Variants in MRPS18C observed in about 807,000 individuals in gnomAD.
MRPS18C encodes small ribosomal subunit protein bS18m.
Under a neutral mutation model 21.0 loss-of-function variants are expected in MRPS18C, and 21 were observed. The observed-to-expected ratio is 1.00, with a 90% CI of 0.71 to 1.44. The LOEUF (loss-of-function observed/expected upper bound fraction) is 1.44. MRPS18C is among the 40% of genes most tolerant of loss of function. The pLI, the probability that MRPS18C is intolerant of heterozygous loss-of-function variation, is 0.00. For missense variants in MRPS18C, 152 were observed against 171.5 expected (o/e 0.89, Z 0.64); for synonymous variants, 65 against 54.3 (o/e 1.20, Z -0.87).
intron 4 of MRPS18C, 170 bp downstream of exon 4, chr4:83,459,967 T>C: frequency 1.9e-6 from 1 of 535,606 alleles, no homozygotes; most frequent in African/African-American, 1.9e-5. Context: ...GCCAAGAGGA[T>C]TATTATTTTG....
rs1444479898 is a variant in MRPS18C at position 83,456,889 on chromosome 4, C to T, written c.101-20C>T. ...GCTAAGAAAAAGAAATGGTTAATTGCTGTTTCTGTTTAATCGCAGTGCTTT... is the reference window on the plus strand; with the variant it reads ...GCTAAGAAAAAGAAATGGTTAATTGTTGTTTCTGTTTAATCGCAGTGCTTT... On this transcript the variant is annotated intron_variant, in intron 1 of 5. Coordinates refer to ENST00000295491, the MANE Select transcript of MRPS18C (RefSeq NM_016067.4). 6.2e-7 allele frequency: 1 copy of T among 1,608,554 alleles called. No individual in the cohort carries two copies. The highest frequency in any genetic ancestry group is 8.5e-7 in the Non-Finnish European group (1 of 1,178,602).
intron 1 of MRPS18C, among the ~76,000 whole-genome samples, chr4:83,456,507 T>G: frequency 6.6e-6 from 1 of 152,132 alleles, no homozygotes; most frequent in East Asian, 1.9e-4. Context: ...AGAACAAAAT[T>G]GCATAATTTT....
At chr4:83,459,424 GGATA>G (rs2110029091) in intron 3 of MRPS18C, 1 of 238,258 alleles carries the variant, frequency 4.2e-6, no homozygotes, top group African/African-American at 2.3e-5. Context: ...TAGCTTGTCA[GGATA>G]GATGAAATTT....
intron 2 of MRPS18C, 130 bp from the exon 3 acceptor site, chr4:83,458,216 C>T: frequency 1.5e-6 from 1 of 645,948 alleles, no homozygotes; most frequent in East Asian, 3.1e-5. Flanking sequence ...AAATAAAGTG[C>T]TTATACAAAA....
intron 1 of MRPS18C, 81 bp from the exon 2 acceptor site, chr4:83,456,828 C>G: frequency 2.2e-6 from 3 of 1,383,100 alleles, no homozygotes; most frequent in Non-Finnish European, 3.0e-6. Context: ...CTTAATTCAT[C>G]CTGTCTCCAT....
chr4:83,459,866 A>C, intron 4 of MRPS18C, 69 bp downstream of exon 4: 2 of 1,356,090 alleles, frequency 1.5e-6, no homozygotes, highest in Admixed American at 4.5e-5. Context: ...CTATCATTTA[A>C]GAAAACTCAA....
At chr4:83,460,384 A>T (rs1722042902) in intron 4 of MRPS18C, 1 of 151,946 alleles carries the variant, frequency 6.6e-6, no homozygotes, top group Non-Finnish European at 1.5e-5. Context: ...TGAATTCCTG[A>T]CCTCAGGTGA....
At chr4:83,458,187 C>T (rs1052306809) in intron 2 of MRPS18C, 159 bp from the exon 3 acceptor site, 5 of 545,346 alleles carry the variant, frequency 9.2e-6, no homozygotes, top group Non-Finnish European at 1.6e-5. Flanking sequence ...TGCGTTAATC[C>T]GTAGGCTAAA....
At chr4:83,456,832 T>C (rs1285103578) in intron 1 of MRPS18C, 77 bp from the exon 2 acceptor site, 3 of 1,426,482 alleles carry the variant, frequency 2.1e-6, no homozygotes, top group East Asian at 4.6e-5. Flanking sequence ...ATTCATCCTG[T>C]CTCCATAAAA....
At chr4:83,458,121 G>A in intron 2 of MRPS18C, 1 of 414,478 alleles carries the variant, frequency 2.4e-6, no homozygotes, top group Non-Finnish European at 4.3e-6. Flanking sequence ...CATCATTTTT[G>A]TTCTGCCATA....
chr4:83,462,289 G>A lies in MRPS18C; in HGVS notation c.*1092G>A. ...AGGTTTGGAAATAAAAGCATCTGAT[G>A]TTTGAAAAAGTACTTTGTGAAGTAA... On this transcript the variant is annotated 3_prime_UTR_variant, in exon 6 of 6. Transcript: ENST00000295491. 1.7e-6 allele frequency: 1 copy of A among 581,460 alleles called. No homozygotes were observed. The highest frequency in any genetic ancestry group is 2.4e-5 in the South Asian group (1 of 42,446). The allele number at this position is 581,460 out of a possible 1,614,324, so 36.0% of individuals were successfully genotyped here.
chr4:83,456,059 G>C lies in MRPS18C; in HGVS notation c.-19G>C, dbSNP rs768948971. The C allele has an allele frequency of 5.6e-6, 9 of 1,610,736 alleles. No homozygotes were observed. Among genetic ancestry groups the C allele is most frequent in the Non-Finnish European group, 6.8e-6 (8 of 1,178,728 alleles). On this transcript the variant is annotated 5_prime_UTR_variant, in exon 1 of 6. Coordinates refer to ENST00000295491, the MANE Select transcript of MRPS18C (RefSeq NM_016067.4). ...TCGGAACGATTTGGAACGAAAGGAAGTGGAAGAAACGCGGAACCATGGCCG... is the reference window on the plus strand; with the variant it reads ...TCGGAACGATTTGGAACGAAAGGAACTGGAAGAAACGCGGAACCATGGCCG...
chr4:83,460,732 C>T (rs760125948), intron 4 of MRPS18C: 4 of 422,290 alleles, frequency 9.5e-6, no homozygotes, highest in South Asian at 2.3e-5. Flanking sequence ...GGTGAAACCC[C>T]GTTTCTACTA....
chr4:83,461,422 T>TATA lies in MRPS18C; in HGVS notation c.*226_*228dup, dbSNP rs1341041670. ...AAAGTGGTTCTGTGTGATTGTCATT[T>TATA]ATATCTGATCCCCAAATAGCTCATA... On this transcript the variant is annotated 3_prime_UTR_variant, in exon 6 of 6. Coordinates refer to ENST00000295491, the MANE Select transcript of MRPS18C (RefSeq NM_016067.4). The TATA allele has an allele frequency of 2.0e-6, 1 of 491,362 alleles. No individual in the cohort carries two copies. The highest frequency in any genetic ancestry group is 3.7e-6 in the Non-Finnish European group (1 of 269,756). 30.4% of individuals were successfully genotyped at this position (491,362 alleles called of 1,614,324 possible).
chr4:83,458,028 A>G, intron 2 of MRPS18C: 1 of 271,500 alleles, frequency 3.7e-6, no homozygotes, highest in Non-Finnish European at 6.9e-6. Flanking sequence ...TATGTTATCT[A>G]TTGTGTTGTA....
rs1722073544 is a variant in MRPS18C, at chr4:83,460,891, G to A, written c.293-82G>A. On this transcript the variant is annotated intron_variant, in intron 4 of 5. Coordinates refer to ENST00000295491, the MANE Select transcript of MRPS18C (RefSeq NM_016067.4). ...ACTGTACTCCAGCCTGGGTGACACA[G>A]GGAGACTCCATCTCAAAAAAAAAAA... is the stretch of plus-strand genomic sequence containing the variant. 2.5e-6 allele frequency: 3 copies of A among 1,191,448 alleles called. No homozygotes were observed. The South Asian group carries it at 4.0e-5, about 16-fold the overall frequency. The allele number at this position is 1,191,448 out of a possible 1,614,324, so 73.8% of individuals were successfully genotyped here.
rs557755042 is a variant in MRPS18C, at chr4:83,456,165, G to C, written c.88G>C (p.Gly30Arg). 4.8e-5 allele frequency: 77 copies of C among 1,613,824 alleles called. No individual in the cohort carries two copies. Among genetic ancestry groups the C allele is most frequent in the Admixed American group, 2.3e-4 (14 of 60,012 alleles). The change falls in exon 1 of 6, where the codon GGG becomes CGG. Residue 30 changes from glycine to arginine, a missense_variant. Physicochemically the swap from Gly to Arg is moderately radical, Grantham distance 125. Coordinates refer to ENST00000295491, the MANE Select transcript of MRPS18C (RefSeq NM_016067.4). ...VTAAVSLTHP[G>R]THTVLWRRGC... ...GGCTGCTGTCAGCCTTACACATCCC[G>C]GGACTCACACGGGTAAAGTCTCCAT...
At chr4:83,458,524 A>AG in intron 3 of MRPS18C, 95 bp downstream of exon 3, 1 of 913,972 alleles carries the variant, frequency 1.1e-6, no homozygotes, top group Non-Finnish European at 1.6e-6. Flanking sequence ...GCTTTTGTAG[A>AG]GGTAACTGTT....
At position 83,456,083 on chromosome 4, in the gene MRPS18C, C is replaced by G; in HGVS notation, c.6C>G (p.Ala2=). ...AGTGGAAGAAACGCGGAACCATGGC[C>G]GCTGTGGTTGCTGTTTGCGGTGGTC... is the stretch of plus-strand genomic sequence containing the variant. M[A]AVVAVCGGLG... is the part of the protein sequence containing the mutation. The change falls in exon 1 of 6, where the codon GCC becomes GCG. Residue 2 remains alanine, a synonymous_variant. Coordinates refer to ENST00000295491, the MANE Select transcript of MRPS18C (RefSeq NM_016067.4). The G allele has an allele frequency of 6.2e-7, 1 of 1,612,450 alleles. No homozygotes were observed. The highest frequency in any genetic ancestry group is 8.5e-7 in the Non-Finnish European group (1 of 1,180,008).
Sources: allele counts gnomAD v4.1 joint callset (sites outside exome capture counted in the v4.1 genomes callset), GRCh38; gene constraint gnomAD v4.1.1; transcripts MANE v1.5; gene names NCBI Gene and HGNC (gene_info 2026-07-23, HGNC 2026-07-21).